The following FARS2 variants were observed in gnomAD, a reference collection of about 807,000 sequenced individuals.
FARS2 encodes phenylalanine--tRNA ligase, mitochondrial.
Under a neutral mutation model 46.4 loss-of-function variants are expected in FARS2, and 40 were observed. The observed-to-expected ratio is 0.86, with a 90% confidence interval of 0.67 to 1.12. FARS2 has a LOEUF of 1.12. Ranked by LOEUF, FARS2 falls within the 50% of genes most tolerant of loss-of-function variation. The pLI is 0.00. For synonymous variants in FARS2, 234 were observed against 214.9 expected, an observed-to-expected ratio of 1.09 and a Z score of -0.78; for missense variants, 513 against 567.9, an observed-to-expected ratio of 0.90 and a Z score of 0.98.
intron 6 of FARS2, among the ~76,000 whole-genome samples, chr6:5,706,241 A>G (rs916052319): frequency 2.0e-5 from 3 of 152,052 alleles, no homozygotes; most frequent in Non-Finnish European, 4.4e-5. Flanking sequence ...GGTTATGCTC[A>G]CTCACCCAAC....
At chr6:5,316,425 C>T (rs991808817) in intron 1 of FARS2, among the ~76,000 whole-genome samples, 6 of 152,166 alleles carry the variant, frequency 3.9e-5, no homozygotes, top group African/African-American at 1.4e-4. Context: ...GTCTGTACTC[C>T]TGTACAGTAA....
intron 5 of FARS2, among the ~76,000 whole-genome samples, chr6:5,580,385 T>C (rs1445184118): frequency 6.6e-6 from 1 of 151,852 alleles, no homozygotes; most frequent in Non-Finnish European, 1.5e-5. Flanking sequence ...TTCTCTAGAT[T>C]GTGTTACTCT....
At chr6:5,305,460 C>G (rs1204979799) in intron 1 of FARS2, among the ~76,000 whole-genome samples, 1 of 152,090 alleles carries the variant, frequency 6.6e-6, no homozygotes, top group Admixed American at 6.5e-5. Flanking sequence ...ACATGTGAAA[C>G]CTCCAGCAGA....
intron 6 of FARS2, among the ~76,000 whole-genome samples, chr6:5,707,917 G>C (rs1251686228): frequency 1.3e-5 from 2 of 152,232 alleles, no homozygotes; most frequent in Non-Finnish European, 2.9e-5. Flanking sequence ...GGGAGCCCGG[G>C]GAAGAAAGGC....
In FARS2 at chr6:5,431,099, G is replaced by A; in HGVS notation, c.831G>A (p.Met277Ile). 1.2e-6 allele frequency: 2 copies of A among 1,613,832 alleles called. No homozygotes were observed. The highest frequency in any genetic ancestry group is 1.7e-6 in the Non-Finnish European group (2 of 1,179,796). The change falls in exon 4 of 7, where the codon ATG becomes ATA. Residue 277 changes from methionine to isoleucine, a missense_variant. Coordinates refer to ENST00000274680, the MANE Select transcript of FARS2 (RefSeq NM_006567.5). ...CTTTTACACATCCTTCCTTTGAGATGGAGATCAACTTTCATGGAGAATGGC... is the reference window on the plus strand; with the variant it reads ...CTTTTACACATCCTTCCTTTGAGATAGAGATCAACTTTCATGGAGAATGGC... ...YFPFTHPSFE[M>I]EINFHGEWLE...
intron 3 of FARS2, among the ~76,000 whole-genome samples, chr6:5,424,966 T>G (rs1389736228): frequency 6.6e-6 from 1 of 152,174 alleles, no homozygotes; most frequent in Middle Eastern, 3.2e-3. Context: ...TCCCAGCTCT[T>G]TAAGAATTTG....
chr6:5,466,581 C>T (rs1765527622), intron 4 of FARS2: 1 of 985,254 alleles, frequency 1.0e-6, no homozygotes, highest in South Asian at 4.7e-5. Flanking sequence ...TTCACATCAA[C>T]CCAGAGGATA....
chr6:5,444,487 AAAAAAAGAGAGAGAG>A (rs1764049199), intron 4 of FARS2, among the ~76,000 whole-genome samples: 2 of 64,528 alleles, frequency 3.1e-5, no homozygotes, highest in African/African-American at 6.5e-5. Flanking sequence ...AAAAAAAAAA[AAAAAAAGAGAGAGAG>A]AGAGAGAGAG....
chr6:5,565,457 TG>T (rs1202096582), intron 5 of FARS2, among the ~76,000 whole-genome samples: 1 of 152,212 alleles, frequency 6.6e-6, no homozygotes, highest in Non-Finnish European at 1.5e-5. Flanking sequence ...GATGATAAAC[TG>T]TCTTTTGAGA....
At chr6:5,718,070 C>T (rs1422136079) in intron 6 of FARS2, among the ~76,000 whole-genome samples, 2 of 152,018 alleles carry the variant, frequency 1.3e-5, no homozygotes, top group South Asian at 4.2e-4. Flanking sequence ...TGTGCCACCA[C>T]GCCTGGCTAA....
At chr6:5,402,708 AG>A (rs1357572828) in intron 2 of FARS2, among the ~76,000 whole-genome samples, 1 of 152,098 alleles carries the variant, frequency 6.6e-6, no homozygotes, top group Admixed American at 6.5e-5. Context: ...TCAATTGAAA[AG>A]GTTGTCTTTC....
At chr6:5,670,728 G>C (rs1276738012) in intron 6 of FARS2, among the ~76,000 whole-genome samples, 3 of 152,126 alleles carry the variant, frequency 2.0e-5, no homozygotes, top group Non-Finnish European at 4.4e-5. Flanking sequence ...CTGAAGCCCA[G>C]TTACATTTTT....
intron 4 of FARS2, among the ~76,000 whole-genome samples, chr6:5,438,614 A>G (rs1192598358): frequency 1.3e-5 from 2 of 151,876 alleles, no homozygotes; most frequent in East Asian, 1.9e-4. Context: ...TCTTTACCTC[A>G]TAGAGCAAAG....
chr6:5,673,548 C>T (rs546837599), intron 6 of FARS2, among the ~76,000 whole-genome samples: 4 of 152,074 alleles, frequency 2.6e-5, no homozygotes, highest in South Asian at 2.1e-4. Context: ...CTATGTTCCC[C>T]GTCATTTATG....
chr6:5,428,023 G>T (rs1384729688), intron 3 of FARS2, among the ~76,000 whole-genome samples: 1 of 152,138 alleles, frequency 6.6e-6, no homozygotes, highest in East Asian at 1.9e-4. Context: ...TTGTGCTGAC[G>T]CCATCAGCAC....
At chr6:5,638,684 C>T (rs1194426338) in intron 6 of FARS2, among the ~76,000 whole-genome samples, 2 of 152,254 alleles carry the variant, frequency 1.3e-5, no homozygotes, top group Non-Finnish European at 2.9e-5. Context: ...GTTCCCATCC[C>T]CCCGGCTGTG....
intron 1 of FARS2, among the ~76,000 whole-genome samples, chr6:5,335,484 A>G (rs1297351600): frequency 1.3e-5 from 2 of 151,770 alleles, no homozygotes; most frequent in African/African-American, 4.8e-5. Flanking sequence ...TTTTTTACCA[A>G]TATTGAAATG....
chr6:5,372,024 A>G (rs1419631123), intron 2 of FARS2, among the ~76,000 whole-genome samples: 1 of 152,118 alleles, frequency 6.6e-6, no homozygotes, highest in Non-Finnish European at 1.5e-5. Context: ...AGCAATATTA[A>G]TATTATGTAA....
chr6:5,493,615 G>A (rs1055092142), intron 4 of FARS2, among the ~76,000 whole-genome samples: 2 of 152,152 alleles, frequency 1.3e-5, no homozygotes, highest in Non-Finnish European at 2.9e-5. Context: ...CTAGCTCTGC[G>A]ACATTGGACA....
Sources: gnomAD v4.1 joint callset for allele counts (sites outside exome capture counted in the v4.1 genomes callset) on GRCh38, gnomAD v4.1.1 for gene constraint, MANE v1.5 for transcripts, NCBI Gene and HGNC (gene_info 2026-07-23, HGNC 2026-07-21) for gene names.